Variants in ALDOB observed in about 807,000 individuals in gnomAD.
ALDOB encodes fructose-bisphosphate aldolase B.
A neutral mutation model predicts 41.0 loss-of-function variants in ALDOB; 39 were observed. That is an observed-to-expected ratio of 0.95 (90% CI 0.74 to 1.24). ALDOB has a LOEUF of 1.24. Ranked by LOEUF, ALDOB falls within the 50% of genes most tolerant of loss-of-function variation. The pLI is 0.00. For missense variants in ALDOB, 530 were observed against 457.3 expected (o/e 1.16, Z -1.45); for synonymous variants, 175 against 168.8 (o/e 1.04, Z -0.28).
In ALDOB at chr9:101,421,901, T is replaced by C; in HGVS notation, c.1003A>G (p.Asn335Asp). The C allele has an allele frequency of 1.2e-6, 2 of 1,613,654 alleles. No individual in the cohort carries two copies. The highest frequency in any genetic ancestry group is 1.7e-6 in the Non-Finnish European group (2 of 1,179,838). The change falls in exon 9 of 9, where the codon AAC becomes GAC. Residue 335 changes from asparagine to aspartate, a missense_variant. Transcript: ENST00000647789. ...TACTGTCCTTTGGCCGCCTGGCAGT[T>C]AGCCTAGAAGACAAATATGAGAGAG... The part of the protein sequence containing the change: ...QEAFMKRAMA[N>D]CQAAKGQYVH...
At position 101,431,298 on chromosome 9, in the gene ALDOB, G is replaced by A. The variant is rs114575723; in HGVS notation, c.-10-401C>T. Among the ~76,000 whole-genome samples, 287 of 152,292 alleles carry A rather than the reference G, an allele frequency of 1.9e-3. 1 individual carries two copies. Among genetic ancestry groups the A allele is most frequent in the African/African-American group, 6.1e-3 (254 of 41,556 alleles). On this transcript the variant is annotated intron_variant, in intron 1 of 8. Coordinates refer to ENST00000647789, the MANE Select transcript of ALDOB (RefSeq NM_000035.4). ...AATGGCTTGAGGCCAGGACAATGTCGCTCTTGACCTCTGCAGTTATCCTCT... is the reference window on the plus strand; with the variant it reads ...AATGGCTTGAGGCCAGGACAATGTCACTCTTGACCTCTGCAGTTATCCTCT...
At chr9:101,423,744 C>T (rs371950198) in intron 8 of ALDOB, among the ~76,000 whole-genome samples, 8 of 152,162 alleles carry the variant, frequency 5.3e-5, no homozygotes, top group African/African-American at 1.9e-4. Flanking sequence ...TCAATTATCC[C>T]CACTCTCCTC....
intron 3 of ALDOB, among the ~76,000 whole-genome samples, 195 bp downstream of exon 3, chr9:101,429,560 A>T (rs1308284532): frequency 6.6e-6 from 1 of 152,140 alleles, no homozygotes; most frequent in African/African-American, 2.4e-5. Flanking sequence ...CGTGTAGAAA[A>T]TTTGAGTGAA....
intron 3 of ALDOB, among the ~76,000 whole-genome samples, chr9:101,429,245 C>G (rs1368008200): frequency 6.6e-6 from 1 of 151,440 alleles, no homozygotes; most frequent in Non-Finnish European, 1.5e-5. Context: ...CTTCGACCTC[C>G]AGGGCTCAGG....
At chr9:101,422,853 A>G (rs961698150) in intron 8 of ALDOB, among the ~76,000 whole-genome samples, 10 of 152,208 alleles carry the variant, frequency 6.6e-5, no homozygotes, top group African/African-American at 2.4e-4. Context: ...ATGCATATAT[A>G]AAAAATCACA....
chr9:101,425,013 C>T lies in ALDOB; in HGVS notation c.829G>A (p.Glu277Lys). ...GICFLSGGMS[E>K]EDATLNLNAI... is the part of the protein sequence containing the mutation. ...TTGAGGTTGAGAGTGGCATCCTCTTCACTCATGCCACCAGACAAAAAGCAG... is the reference window on the plus strand; with the variant it reads ...TTGAGGTTGAGAGTGGCATCCTCTTTACTCATGCCACCAGACAAAAAGCAG... The change falls in exon 8 of 9, where the codon GAA becomes AAA. Residue 277 changes from glutamate to lysine, a missense_variant. Glu to Lys is a moderately conservative substitution (Grantham distance 56). Coordinates refer to ENST00000647789, the MANE Select transcript of ALDOB (RefSeq NM_000035.4). 1.2e-6 allele frequency: 2 copies of T among 1,614,214 alleles called. No homozygotes were observed. Among genetic ancestry groups the T allele is most frequent in the Non-Finnish European group, 8.5e-7 (1 of 1,180,046 alleles).
chr9:101,424,675 C>T (rs1831096346), intron 8 of ALDOB, among the ~76,000 whole-genome samples, 168 bp downstream of exon 8: 1 of 152,204 alleles, frequency 6.6e-6, no homozygotes, highest in Admixed American at 6.5e-5. Context: ...TCAAAATTCT[C>T]TCTAGCCTCA....
intron 8 of ALDOB, 118 bp downstream of exon 8, chr9:101,424,725 T>C: frequency 8.1e-6 from 10 of 1,235,688 alleles, no homozygotes; most frequent in Non-Finnish European, 1.2e-5. Context: ...TTCAAATGCC[T>C]AATAGACACT....
rs868392830 is a variant in ALDOB at position 101,426,572 on chromosome 9, G to A, written c.607C>T (p.Gln203Ter). 1.2e-6 allele frequency: 2 copies of A among 1,610,742 alleles called. No individual in the cohort carries two copies. The highest frequency in any genetic ancestry group is 1.3e-5 in the African/African-American group (1 of 74,946). ...PDGDHDLEHC[Q>*]YVTEKVLAAV... ...AAACTTACCTTCTCAGTAACATACT[G>A]GCAGTGTTCCAGGTCATGGTCTCCA... The change falls in exon 6 of 9, where the codon CAG becomes TAG. Residue 203 changes from glutamine to a stop codon, truncating the protein, a stop_gained. Transcript: ENST00000647789. LOFTEE classifies it high-confidence loss of function.
rs186949752 is a variant in ALDOB, at chr9:101,430,811, T to C, written c.77A>G (p.Asn26Ser). The C allele has an allele frequency of 7.4e-6, 12 of 1,614,152 alleles. No homozygotes were observed. The East Asian group carries it at 1.1e-4, about 15-fold the overall frequency. ...LSEIAQSIVANGKGILAADES... is the reference protein window; with the variant it reads ...LSEIAQSIVASGKGILAADES... ...ATCTGCAGCCAGGATCCCCTTTCCATTGGCAACAATGCTCTGGGCAATTTC... is the reference window on the plus strand; with the variant it reads ...ATCTGCAGCCAGGATCCCCTTTCCACTGGCAACAATGCTCTGGGCAATTTC... Residue 26 changes from asparagine (N) to serine (S), a missense_variant, in exon 2 of 9, where the codon AAT becomes AGT. Coordinates refer to ENST00000647789, the MANE Select transcript of ALDOB (RefSeq NM_000035.4).
At chr9:101,421,975 C>T in intron 8 of ALDOB, 71 bp from the exon 9 acceptor site, 1 of 1,272,784 alleles carries the variant, frequency 7.9e-7, no homozygotes, top group East Asian at 2.3e-5. Flanking sequence ...GTCTGCCTCT[C>T]ATGGGAAACC....
rs1057517421 is a variant in ALDOB, at chr9:101,427,601, CT to C, written c.420del (p.Asp141MetfsTer12). The C allele has an allele frequency of 1.2e-6, 2 of 1,614,152 alleles. No homozygotes were observed. Among genetic ancestry groups the C allele is most frequent in the Admixed American group, 3.3e-5 (2 of 60,010 alleles). On this transcript the variant is annotated frameshift_variant, in exon 5 of 9. Coordinates refer to ENST00000647789, the MANE Select transcript of ALDOB (RefSeq NM_000035.4). LOFTEE classifies it high-confidence loss of function. ...CGCCACTTCCCAAAGTCAACACCAT[CT>C]TTCTTGTACTGAGCACAGCGCTCTG... ...GLSERCAQYK[K>X]DGVDFGKWRA... is the part of the protein sequence containing the mutation.
intron 7 of ALDOB, 24 bp downstream of exon 7, chr9:101,425,429 G>T: frequency 6.2e-7 from 1 of 1,613,304 alleles, no homozygotes. Context: ...AAGACCTTGA[G>T]TTAGAGAAGA....
At chr9:101,424,387 C>G (rs1243746903) in intron 8 of ALDOB, among the ~76,000 whole-genome samples, 2 of 152,134 alleles carry the variant, frequency 1.3e-5, no homozygotes, top group Non-Finnish European at 2.9e-5. Flanking sequence ...CCACTGTACT[C>G]CAGCCTGGGT....
rs1831193453 is a variant in ALDOB, at chr9:101,429,961, T to C, written c.118A>G (p.Met40Val). ...TTGATCCTCTGCAGGCGGTTCCCCA[T>C]GGTACCTATGGTGGGAGGGCCAAGG... is the stretch of plus-strand genomic sequence containing the variant. ...ILAADESVGT[M>V]GNRLQRIKVE... is the part of the protein sequence containing the mutation. Residue 40 changes from methionine to valine, a missense_variant, in exon 3 of 9, where the codon ATG becomes GTG. Physicochemically the swap from Met to Val is conservative, Grantham distance 21. Coordinates refer to ENST00000647789, the MANE Select transcript of ALDOB (RefSeq NM_000035.4). 4.3e-6 allele frequency: 7 copies of C among 1,614,026 alleles called. No homozygotes were observed. Among genetic ancestry groups the C allele is most frequent in the Non-Finnish European group, 5.9e-6 (7 of 1,180,004 alleles).
intron 8 of ALDOB, 92 bp downstream of exon 8, chr9:101,424,751 C>T: frequency 6.7e-7 from 1 of 1,483,308 alleles, no homozygotes; most frequent in Admixed American, 1.7e-5. Context: ...TAGATACCTT[C>T]TTGGCCCAAA....
chr9:101,423,250 C>T (rs924686389), intron 8 of ALDOB, among the ~76,000 whole-genome samples: 2 of 152,242 alleles, frequency 1.3e-5, no homozygotes, highest in Non-Finnish European at 2.9e-5. Flanking sequence ...CCTTGCCTAG[C>T]TTCCTCTATG....
At chr9:101,432,776 T>C (rs1038569167) in intron 1 of ALDOB, among the ~76,000 whole-genome samples, 1 of 152,198 alleles carries the variant, frequency 6.6e-6, no homozygotes, top group African/African-American at 2.4e-5. Flanking sequence ...CAAGTTGAGA[T>C]AAGGGGCAGT....
chr9:101,425,697 T>A (rs922833334), intron 6 of ALDOB, 70 bp from the exon 7 acceptor site: 19 of 1,509,438 alleles, frequency 1.3e-5, no homozygotes, highest in Non-Finnish European at 1.3e-5. Flanking sequence ...TTGGCACATT[T>A]ACACTGCAGG....
Sources: allele counts gnomAD v4.1 joint callset (sites outside exome capture counted in the v4.1 genomes callset), GRCh38; gene constraint gnomAD v4.1.1; transcripts MANE v1.5; gene names NCBI Gene and HGNC (gene_info 2026-07-23, HGNC 2026-07-21).